Variants in PRUNE2 observed in about 807,000 individuals in gnomAD.
PRUNE2 encodes prune homolog 2 with BCH domain.
Under a neutral mutation model 252.0 loss-of-function variants are expected in PRUNE2, and 164 were observed. The ratio of observed to expected loss-of-function variants is 0.65; its 90% CI spans 0.57 to 0.74. The LOEUF is 0.74. Ranked by LOEUF, PRUNE2 falls within the 30% of genes least tolerant of loss-of-function variation. The pLI is 0.00. For synonymous variants in PRUNE2, 1,292 were observed against 1,350.2 expected, an observed-to-expected ratio of 0.96 and a Z score of 0.94; for missense variants, 3,495 against 3,711.0, an observed-to-expected ratio of 0.94 and a Z score of 1.51.
intron 6 of PRUNE2, among the ~76,000 whole-genome samples, chr9:76,751,774 A>T (rs1320322832): frequency 1.3e-5 from 2 of 152,368 alleles, no homozygotes; most frequent in African/African-American, 4.8e-5. Flanking sequence ...TTATTGTGAT[A>T]GAAAAGAAAG....
intron 6 of PRUNE2, among the ~76,000 whole-genome samples, chr9:76,762,650 G>A (rs993169164): frequency 6.6e-6 from 1 of 152,148 alleles, no homozygotes; most frequent in Non-Finnish European, 1.5e-5. Flanking sequence ...TGCAGGCAGT[G>A]TAGAATGACT....
At chr9:76,880,827 T>C (rs2061731145) in intron 1 of PRUNE2, among the ~76,000 whole-genome samples, 1 of 152,248 alleles carries the variant, frequency 6.6e-6, no homozygotes, top group Non-Finnish European at 1.5e-5. Flanking sequence ...GTTATTTTGT[T>C]AACATGAAAC....
At chr9:76,850,119 G>A (rs79185486) in intron 3 of PRUNE2, among the ~76,000 whole-genome samples, 2,646 of 152,054 alleles carry the variant, frequency 0.017, 80 homozygotes, top group African/African-American at 0.059. Flanking sequence ...TGCGATCTCG[G>A]CTCACTATAA....
chr9:76,706,896 C>T lies in PRUNE2; in HGVS notation c.5378G>A (p.Gly1793Glu), dbSNP rs778750104. 4 of 1,599,018 alleles carry T rather than the reference C, an allele frequency of 2.5e-6. No individual in the cohort carries two copies. The highest frequency in any genetic ancestry group is 3.4e-5 in the Admixed American group (2 of 58,136). ...TTGCCATGCAACATCTCCTGTTGTCCCTGTTTCTGGAGAAGATCTCTTCTC... is the reference window on the plus strand; with the variant it reads ...TTGCCATGCAACATCTCCTGTTGTCTCTGTTTCTGGAGAAGATCTCTTCTC... Reference protein sequence around the residue: ...EKEKRSSPETGTTGDVAWQIS... With the variant: ...EKEKRSSPETETTGDVAWQIS... Residue 1793 changes from glycine (G) to glutamate (E), a missense_variant, in exon 8 of 19, where the codon GGG becomes GAG. Gly to Glu is a moderately conservative substitution (Grantham distance 98). Transcript: ENST00000376718.
chr9:76,772,499 C>G (rs1271626816), intron 6 of PRUNE2, among the ~76,000 whole-genome samples: 4 of 152,286 alleles, frequency 2.6e-5, no homozygotes, highest in Middle Eastern at 3.4e-3. Flanking sequence ...AAATAACCTT[C>G]TGTAGTTTTG....
At chr9:76,826,909 C>T (rs753807392) in intron 4 of PRUNE2, among the ~76,000 whole-genome samples, 177 bp from the exon 5 acceptor site, 1 of 152,194 alleles carries the variant, frequency 6.6e-6, no homozygotes, top group Non-Finnish European at 1.5e-5. Flanking sequence ...ATTGAACCAT[C>T]ATCCAGCTTC....
intron 9 of PRUNE2, among the ~76,000 whole-genome samples, chr9:76,667,055 A>AT (rs943042106): frequency 1.1e-4 from 17 of 152,314 alleles, no homozygotes; most frequent in African/African-American, 3.8e-4. Flanking sequence ...ACAAAAAAAA[A>AT]GAAAATTCTC....
chr9:76,644,002 C>T (rs918549990), intron 12 of PRUNE2, among the ~76,000 whole-genome samples: 4 of 152,126 alleles, frequency 2.6e-5, no homozygotes, highest in Non-Finnish European at 5.9e-5. Flanking sequence ...AAGGAAGGCA[C>T]GCAGCAGAAG....
intron 3 of PRUNE2, among the ~76,000 whole-genome samples, chr9:76,848,072 T>C (rs1227329978): frequency 6.6e-6 from 1 of 152,216 alleles, no homozygotes; most frequent in Non-Finnish European, 1.5e-5. Flanking sequence ...GAAACCAGCC[T>C]GGCCAACACG....
At chr9:76,671,367 G>T (rs1175393187) in intron 9 of PRUNE2, among the ~76,000 whole-genome samples, 2 of 149,560 alleles carry the variant, frequency 1.3e-5, no homozygotes, top group African/African-American at 2.5e-5. Context: ...AGAATAAAAA[G>T]AAATGAGCAA....
At position 76,652,616 on chromosome 9, in the gene PRUNE2, G is replaced by A. The variant is rs1251056825; in HGVS notation, c.8424C>T (p.Ile2808=). ...CTTCACTTTGGTCCAGAGAAAGATT[G>A]ATATTTGGGGCTGTGAGCTTGATTC... The part of the protein sequence containing the change: ...PRRIKLTAPN[I]NLSLDQSEGS... Residue 2808 remains isoleucine, a synonymous_variant, in exon 11 of 19, where the codon ATC becomes ATT. Coordinates refer to ENST00000376718, the MANE Select transcript of PRUNE2 (RefSeq NM_015225.3). 1.2e-6 allele frequency: 2 copies of A among 1,613,010 alleles called. No individual in the cohort carries two copies. The highest frequency in any genetic ancestry group is 1.7e-6 in the Non-Finnish European group (2 of 1,179,098).
rs201919532 is a variant in PRUNE2, at chr9:76,692,467, A to T, written c.8276+10870T>A. 8.4e-3 allele frequency: 505 copies of T among 60,444 alleles called. 1 individual carries two copies. The highest frequency in any genetic ancestry group is 0.025 in the African/African-American group (467 of 18,684). The allele number at this position is 60,444 out of a possible 1,614,324, so 3.7% of individuals were successfully genotyped here. A position where few individuals can be genotyped will look rare whatever the true frequency, so the allele number is the denominator to read the frequency against. ...TTTAGTTCTCTTGAAACCTCTTTTTAAAAAAAAATCCTGTAGTTTCACAGC... is the reference window on the plus strand; with the variant it reads ...TTTAGTTCTCTTGAAACCTCTTTTTTAAAAAAAATCCTGTAGTTTCACAGC... On this transcript the variant is annotated intron_variant, in intron 9 of 18. Coordinates refer to ENST00000376718, the MANE Select transcript of PRUNE2 (RefSeq NM_015225.3).
In PRUNE2 at chr9:76,708,967, T is replaced by C. The variant is rs761538501; in HGVS notation, c.3307A>G (p.Asn1103Asp). 6.2e-7 allele frequency: 1 copy of C among 1,614,020 alleles called. No homozygotes were observed. Among genetic ancestry groups the C allele is most frequent in the Non-Finnish European group, 8.5e-7 (1 of 1,179,898 alleles). The change falls in exon 8 of 19, where the codon AAC (asparagine) becomes GAC (aspartate). Residue 1103 changes from asparagine to aspartate, a missense_variant. By Grantham distance (23) the Asn-to-Asp change is conservative (BLOSUM62 1). Transcript: ENST00000376718. ...RQLTLLHSSTNSRQTAPDSLD... is the reference protein window; with the variant it reads ...RQLTLLHSSTDSRQTAPDSLD... ...CTGTCAGGGGCCGTCTGCCGGGAGT[T>C]GGTGCTGCTGTGCAAAAGTGTGAGT...
intron 1 of PRUNE2, among the ~76,000 whole-genome samples, chr9:76,861,637 T>C (rs2060553109): frequency 1.3e-5 from 2 of 152,182 alleles, no homozygotes; most frequent in African/African-American, 2.4e-5. Flanking sequence ...GCTTAATCCA[T>C]TCTTCCTTAG....
chr9:76,721,859 T>C (rs1366555317), intron 6 of PRUNE2, among the ~76,000 whole-genome samples: 4 of 152,236 alleles, frequency 2.6e-5, no homozygotes, highest in Non-Finnish European at 5.9e-5. Flanking sequence ...GGGATTATGA[T>C]TTATGCAACC....
In PRUNE2 at chr9:76,821,090, T is replaced by C. The variant is rs189436527; in HGVS notation, c.756+2542A>G. On this transcript the variant is annotated intron_variant, in intron 6 of 18. Coordinates refer to ENST00000376718, the MANE Select transcript of PRUNE2 (RefSeq NM_015225.3). The stretch of plus-strand genomic sequence containing the variant: ...AATTCAAAAGCAACGGAAGATCTAA[T>C]GTAAAGAGTGAAGTCCTAAGTTGGT... 1.7e-4 allele frequency among the ~76,000 whole-genome samples: 26 copies of C among 152,294 alleles called. 1 individual carries two copies. Among genetic ancestry groups the C allele is most frequent in the Admixed American group, 1.5e-3 (23 of 15,284 alleles).
chr9:76,857,379 T>C (rs994537009), intron 1 of PRUNE2, among the ~76,000 whole-genome samples: 3 of 151,628 alleles, frequency 2.0e-5, no homozygotes, highest in East Asian at 1.9e-4. Flanking sequence ...CCAGAAATCA[T>C]GCCATAATCC....
At chr9:76,694,504 T>C (rs2045187196) in intron 9 of PRUNE2, among the ~76,000 whole-genome samples, 1 of 152,176 alleles carries the variant, frequency 6.6e-6, no homozygotes, top group Admixed American at 6.5e-5. Flanking sequence ...TAAATAATAA[T>C]ATCTGTTTTG....
chr9:76,826,490 C>T, intron 5 of PRUNE2, 90 bp downstream of exon 5: 1 of 979,768 alleles, frequency 1.0e-6, no homozygotes, highest in South Asian at 2.0e-5. Context: ...AACAAAGAAA[C>T]AAATATACCT....
Sources: gnomAD v4.1 joint callset for allele counts (sites outside exome capture counted in the v4.1 genomes callset) on GRCh38, gnomAD v4.1.1 for gene constraint, MANE v1.5 for transcripts, NCBI Gene and HGNC (gene_info 2026-07-23, HGNC 2026-07-21) for gene names.